The following EVI5 variants were observed in gnomAD, a reference collection of about 807,000 sequenced individuals.
EVI5 encodes ecotropic viral integration site 5 protein homolog.
Under a neutral mutation model 112.0 loss-of-function variants are expected in EVI5, and 73 were observed. The ratio of observed to expected loss-of-function variants is 0.65; its 90% CI spans 0.54 to 0.79. EVI5 has a LOEUF of 0.79. Among genes scored for constraint, EVI5 ranks in the 30% least tolerant of loss-of-function variants. The pLI, the probability that EVI5 is intolerant of heterozygous loss-of-function variation, is 0.00. For missense variants in EVI5, 900 were observed against 968.8 expected (o/e 0.93, Z 0.94); for synonymous variants, 305 against 319.9 (o/e 0.95, Z 0.50).
intron 1 of EVI5, among the ~76,000 whole-genome samples, chr1:92,737,246 T>C (rs1024730929): frequency 6.6e-6 from 1 of 152,324 alleles, no homozygotes; most frequent in East Asian, 1.9e-4. Flanking sequence ...GCTGGGTTAA[T>C]AGAATGAGAG....
upstream of EVI5, among the ~76,000 whole-genome samples, chr1:92,788,281 A>T (rs973286202): frequency 6.6e-6 from 1 of 151,732 alleles, no homozygotes; most frequent in African/African-American, 2.4e-5. Context: ...ACCAGCCTGG[A>T]CAACACAGTG....
Position 92,625,845 on chromosome 1 carries a change from C to T in EVI5, c.1617G>A (p.Met539Ile). The T allele has an allele frequency of 6.2e-7, 1 of 1,612,810 alleles. No individual in the cohort carries two copies. Residue 539 changes from methionine (M) to isoleucine (I), a missense_variant, in exon 15 of 20, where the codon ATG (methionine) becomes ATA (isoleucine). By Grantham distance (10) the Met-to-Ile change is conservative. Coordinates refer to ENST00000684568, the MANE Select transcript of EVI5 (RefSeq NM_001350197.2). The stretch of plus-strand genomic sequence containing the variant: ...CTTGCTGTCTAAGTTCTTTCAAACC[C>T]ATAATGGCTTCTGCTTCTCTAAGTT... ...AVKLREAEAI[M>I]GLKELRQQVK... is the part of the protein sequence containing the mutation.
intron 11 of EVI5, among the ~76,000 whole-genome samples, chr1:92,665,169 C>T (rs1664676477): frequency 6.6e-6 from 1 of 152,026 alleles, no homozygotes; most frequent in African/African-American, 2.4e-5. Flanking sequence ...TGAGCCACTG[C>T]ACTCCAGCCT....
chr1:92,760,838 C>T (rs1401377971), intron 1 of EVI5, among the ~76,000 whole-genome samples: 1 of 151,754 alleles, frequency 6.6e-6, no homozygotes, highest in African/African-American at 2.4e-5. Context: ...GGGCAGATCA[C>T]GAAGTCAGGA....
intron 1 of EVI5, among the ~76,000 whole-genome samples, chr1:92,750,325 T>TA (rs1257644355): frequency 6.6e-6 from 1 of 152,158 alleles, no homozygotes; most frequent in African/African-American, 2.4e-5. Context: ...TACAAATCAA[T>TA]ACTTAAGAGG....
chr1:92,641,142 T>C (rs1389274628), intron 13 of EVI5, among the ~76,000 whole-genome samples: 1 of 152,136 alleles, frequency 6.6e-6, no homozygotes, highest in East Asian at 1.9e-4. Context: ...CACATATACC[T>C]ATGTAACAAA....
At chr1:92,739,141 C>T (rs967909349) in intron 1 of EVI5, among the ~76,000 whole-genome samples, 3 of 151,648 alleles carry the variant, frequency 2.0e-5, no homozygotes, top group East Asian at 3.9e-4. Flanking sequence ...GGCATGGTGG[C>T]GGGCGCCTGT....
chr1:92,534,642 G>A (rs902652312), intron 19 of EVI5, among the ~76,000 whole-genome samples: 6 of 152,058 alleles, frequency 3.9e-5, no homozygotes, highest in African/African-American at 1.4e-4. Context: ...GTACAACCAT[G>A]TGATCTTTGA....
intron 19 of EVI5, among the ~76,000 whole-genome samples, chr1:92,542,819 T>C (rs771645359): frequency 2.0e-5 from 3 of 152,220 alleles, no homozygotes; most frequent in Admixed American, 1.3e-4. Context: ...CTTGGGTGAC[T>C]AGTTGCATTG....
chr1:92,608,130 G>A (rs147826547), intron 16 of EVI5, among the ~76,000 whole-genome samples: 3,124 of 149,638 alleles, frequency 0.021, 122 homozygotes, highest in African/African-American at 0.072. Context: ...CAGCCTGGGC[G>A]ACAGAGCGAG....
chr1:92,604,031 G>C (rs756856945), intron 18 of EVI5, among the ~76,000 whole-genome samples: 3 of 151,792 alleles, frequency 2.0e-5, no homozygotes, highest in Non-Finnish European at 4.4e-5. Context: ...CATTACACCT[G>C]ATGAACAAAA....
At chr1:92,668,559 A>T (rs903517690) in intron 10 of EVI5, among the ~76,000 whole-genome samples, 2 of 152,206 alleles carry the variant, frequency 1.3e-5, no homozygotes, top group African/African-American at 4.8e-5. Flanking sequence ...AGAACTGAAA[A>T]CACTCATCTG....
chr1:92,758,496 G>A (rs1681301067), intron 1 of EVI5, among the ~76,000 whole-genome samples: 2 of 150,670 alleles, frequency 1.3e-5, no homozygotes, highest in Admixed American at 6.6e-5. Flanking sequence ...TTGAGTCTAC[G>A]AGGTCAGAGG....
intron 14 of EVI5, among the ~76,000 whole-genome samples, chr1:92,631,993 G>A (rs900335666): frequency 9.9e-5 from 15 of 152,240 alleles, no homozygotes; most frequent in African/African-American, 2.9e-4. Context: ...TTATTGATTT[G>A]CTATGTTGAA....
chr1:92,562,805 C>T (rs12058511), intron 19 of EVI5, among the ~76,000 whole-genome samples: 2,976 of 152,182 alleles, frequency 0.02, 116 homozygotes, highest in African/African-American at 0.067. Flanking sequence ...GAAAGGGTAA[C>T]GTCTAAACTT....
chr1:92,686,099 A>G (rs9803725), intron 9 of EVI5, among the ~76,000 whole-genome samples: 3,827 of 152,326 alleles, frequency 0.025, 140 homozygotes, highest in African/African-American at 0.078. Context: ...CAACAAAAAA[A>G]GAGAATTTTA....
intron 9 of EVI5, among the ~76,000 whole-genome samples, chr1:92,690,531 A>G (rs948387762): frequency 2.0e-5 from 3 of 150,260 alleles, no homozygotes; most frequent in Non-Finnish European, 4.4e-5. Context: ...TTTTTTTTCT[A>G]TACAGTCAGG....
intron 14 of EVI5, among the ~76,000 whole-genome samples, chr1:92,634,343 C>T (rs111713606): frequency 6.6e-6 from 1 of 152,210 alleles, no homozygotes; most frequent in African/African-American, 2.4e-5. Flanking sequence ...GGTCTTTTCA[C>T]ATAGTCCCAT....
At chr1:92,544,185 A>G (rs1322098265) in intron 19 of EVI5, among the ~76,000 whole-genome samples, 1 of 152,164 alleles carries the variant, frequency 6.6e-6, no homozygotes, top group Non-Finnish European at 1.5e-5. Context: ...TAAGGCTTGG[A>G]GAGAAATAGG....
Sources: allele counts gnomAD v4.1 joint callset (sites outside exome capture counted in the v4.1 genomes callset), GRCh38; gene constraint gnomAD v4.1.1; transcripts MANE v1.5; gene names NCBI Gene and HGNC (gene_info 2026-07-23, HGNC 2026-07-21).